SLC48A1: variants seen among roughly 807,000 people sequenced by gnomAD.
SLC48A1 encodes the protein solute carrier family 48 member 1.
Under a neutral mutation model 14.8 loss-of-function variants are expected in SLC48A1, and 6 were observed. The ratio of observed to expected loss-of-function variants is 0.41; its 90% CI spans 0.22 to 0.80. The LOEUF is 0.80. Ranked by LOEUF, SLC48A1 falls within the 30% of genes least tolerant of loss-of-function variation. The pLI, the probability that SLC48A1 is intolerant of heterozygous loss-of-function variation, is 0.34. For synonymous variants in SLC48A1, 89 were observed against 90.0 expected (o/e 0.99, Z 0.06); for missense variants, 165 against 204.8 (o/e 0.81, Z 1.19).
chr12:47,773,291 G>A lies in SLC48A1; in HGVS notation c.-14G>A, dbSNP rs1454896018. 3 of 1,412,618 alleles carry A rather than the reference G, an allele frequency of 2.1e-6. No homozygotes were observed. The highest frequency in any genetic ancestry group is 1.4e-5 in the South Asian group (1 of 70,922). 87.5% of individuals were successfully genotyped at this position (1,412,618 alleles called of 1,614,324 possible). On this transcript the variant is annotated 5_prime_UTR_variant, in exon 1 of 3. Transcript: ENST00000442218. ...GGCCGCGCTCGCCCTCGGCCCGCCCGGCGCCGCAGCCCCATGGCCCCGTCC... is the reference window on the plus strand; with the variant it reads ...GGCCGCGCTCGCCCTCGGCCCGCCCAGCGCCGCAGCCCCATGGCCCCGTCC...
chr12:47,776,701 C>T (rs543322637), intron 1 of SLC48A1, among the ~76,000 whole-genome samples: 3 of 152,240 alleles, frequency 2.0e-5, no homozygotes, highest in African/African-American at 4.8e-5. Context: ...GGGCCCAAAA[C>T]GCCCCCAAAT....
At chr12:47,758,185 G>A (rs1942209444), upstream of SLC48A1, 2 of 1,456,238 alleles carry the variant, frequency 1.4e-6, no homozygotes, top group Admixed American at 4.8e-5. Flanking sequence ...CTCTGGACTG[G>A]TCAGGCGGAG....
At chr12:47,770,980 CGG>C (rs2136858475), upstream of SLC48A1, 1 of 454,968 alleles carries the variant, frequency 2.2e-6, no homozygotes, top group East Asian at 7.0e-5. Flanking sequence ...CTCCGGACCA[CGG>C]GGCTTGCTCC....
upstream of SLC48A1, chr12:47,771,187 G>A (rs143686572): frequency 3.1e-3 from 802 of 260,298 alleles, 7 homozygotes; most frequent in African/African-American, 0.017. Flanking sequence ...AGGCAAATGT[G>A]CTTAACACTG....
At chr12:47,755,969 T>C (rs2238142), upstream of SLC48A1, 3 of 152,074 alleles carry the variant, frequency 2.0e-5, no homozygotes, top group African/African-American at 7.3e-5. Flanking sequence ...CATGATGGAA[T>C]GAAACCTCCC....
intron 2 of SLC48A1, among the ~76,000 whole-genome samples, chr12:47,779,767 G>T (rs7973677): frequency 6.6e-6 from 1 of 152,136 alleles, no homozygotes; most frequent in African/African-American, 2.4e-5. Flanking sequence ...AGGGGCAAGC[G>T]AGCCTTACCG....
At chr12:47,772,243 T>G (rs1422562285), upstream of SLC48A1, 7 of 154,786 alleles carry the variant, frequency 4.5e-5, no homozygotes, top group Non-Finnish European at 1.0e-4. Context: ...GGATTTTCCC[T>G]CCAGCTCCCG....
At chr12:47,773,630 G>A (rs1942675687) in intron 1 of SLC48A1, among the ~76,000 whole-genome samples, 190 bp downstream of exon 1, 1 of 150,176 alleles carries the variant, frequency 6.7e-6, no homozygotes, top group African/African-American at 2.5e-5. Flanking sequence ...GTGCCTCTGA[G>A]ACCCGATGCC....
At chr12:47,773,217 G>C, upstream of SLC48A1, 3 of 1,080,490 alleles carry the variant, frequency 2.8e-6, no homozygotes, top group Non-Finnish European at 3.4e-6. Context: ...TGCTCTGGCG[G>C]CTCCCGCGGC....
At chr12:47,780,063 AGGGTGGCCCT>A in intron 2 of SLC48A1, 72 bp from the exon 3 acceptor site, 1 of 1,435,004 alleles carries the variant, frequency 7.0e-7, no homozygotes, top group Non-Finnish European at 9.2e-7. Context: ...TTGAGTGGGG[AGGGTGGCCCT>A]GGCCTTGTGG....
intron 2 of SLC48A1, among the ~76,000 whole-genome samples, chr12:47,763,118 G>A (rs956707931): frequency 6.6e-6 from 1 of 152,204 alleles, no homozygotes; most frequent in African/African-American, 2.4e-5. Context: ...TGCCTGCTAT[G>A]GGCCTGTAGC....
chr12:47,764,649 CT>C (rs1258598464), intron 2 of SLC48A1, among the ~76,000 whole-genome samples: 1 of 152,226 alleles, frequency 6.6e-6, no homozygotes, highest in Non-Finnish European at 1.5e-5. Flanking sequence ...CTAAGGTCCC[CT>C]TCCCAGCATC....
chr12:47,775,992 G>A (rs1942743647), intron 1 of SLC48A1, among the ~76,000 whole-genome samples: 1 of 152,178 alleles, frequency 6.6e-6, no homozygotes, highest in Non-Finnish European at 1.5e-5. Context: ...GTAGACCAAG[G>A]AAAGAGAAAA....
At chr12:47,758,087 C>G (rs567409968), upstream of SLC48A1, 9 of 1,556,542 alleles carry the variant, frequency 5.8e-6, no homozygotes, top group East Asian at 2.1e-4. Context: ...ACCTGTGACA[C>G]GGGGAGGAAA....
rs1429884794 is a variant in SLC48A1, at chr12:47,777,770, AG to A, written c.137-1257del. On this transcript the variant is annotated intron_variant, in intron 1 of 2. Coordinates refer to ENST00000442218, the MANE Select transcript of SLC48A1 (RefSeq NM_017842.3). The surrounding 1 kb of genome is among the most constrained non-coding windows in gnomAD (Gnocchi z 4.5). Reference sequence around the variant, plus strand: ...GAAAACAGCGTAGATAAAATAGCATAGATTTCCCACCCAGCCTAAGAAACAA... The same window carrying A: ...GAAAACAGCGTAGATAAAATAGCATAATTTCCCACCCAGCCTAAGAAACAA... Among the ~76,000 whole-genome samples, 1 of 152,238 alleles carries A rather than the reference AG, an allele frequency of 6.6e-6. No homozygotes were observed. The highest frequency in any genetic ancestry group is 1.5e-5 in the Non-Finnish European group (1 of 68,040).
chr12:47,765,830 C>A (rs902407598), intron 2 of SLC48A1, among the ~76,000 whole-genome samples: 1 of 152,232 alleles, frequency 6.6e-6, no homozygotes, highest in Non-Finnish European at 1.5e-5. Context: ...GTGGTCAGTG[C>A]CTTATACAGA....
intron 2 of SLC48A1, among the ~76,000 whole-genome samples, chr12:47,764,688 C>T (rs1942472631): frequency 6.6e-6 from 1 of 152,202 alleles, no homozygotes; most frequent in Admixed American, 6.5e-5. Context: ...CCCCCAAATC[C>T]CACTCTGGAA....
At chr12:47,770,419 T>C (rs991817041), upstream of SLC48A1, among the ~76,000 whole-genome samples, 4 of 152,262 alleles carry the variant, frequency 2.6e-5, no homozygotes, top group Admixed American at 1.3e-4. Flanking sequence ...CCATTCTCTC[T>C]GCTTCTGCCT....
At chr12:47,776,289 C>T (rs1284867684) in intron 1 of SLC48A1, among the ~76,000 whole-genome samples, 1 of 152,242 alleles carries the variant, frequency 6.6e-6, no homozygotes, top group Non-Finnish European at 1.5e-5. Flanking sequence ...TAAGCAGGGG[C>T]TCTGCTCCTT....
Sources: allele counts gnomAD v4.1 joint callset (sites outside exome capture counted in the v4.1 genomes callset), GRCh38; gene constraint gnomAD v4.1.1; non-coding constraint Gnocchi (gnomAD v3.1); transcripts MANE v1.5; gene names NCBI Gene and HGNC (gene_info 2026-07-23, HGNC 2026-07-21).